The following ASIC2 variants were observed in gnomAD, a reference collection of about 807,000 sequenced individuals.
ASIC2 encodes the protein acid sensing ion channel subunit 2.
ASIC2 carries 25 observed loss-of-function variants against 57.3 expected under a neutral mutation model. That is an observed-to-expected ratio of 0.44 (90% CI 0.32 to 0.61). The LOEUF is 0.61. Ranked by LOEUF, ASIC2 falls within the 20% of genes least tolerant of loss-of-function variation. The pLI is 0.06. For missense variants in ASIC2, 641 were observed against 738.1 expected, an observed-to-expected ratio of 0.87 and a Z score of 1.52; for synonymous variants, 319 against 307.5, an observed-to-expected ratio of 1.04 and a Z score of -0.39.
intron 1 of ASIC2, among the ~76,000 whole-genome samples, chr17:33,328,764 T>G (rs1324068206): frequency 6.6e-6 from 1 of 152,208 alleles, no homozygotes; most frequent in Admixed American, 6.5e-5. Flanking sequence ...CATTTTATCT[T>G]TTCTTCAGCA....
intron 3 of ASIC2, among the ~76,000 whole-genome samples, chr17:33,035,327 C>T (rs1024815488): frequency 6.6e-6 from 1 of 151,956 alleles, no homozygotes; most frequent in Non-Finnish European, 1.5e-5. Flanking sequence ...GTTTATTTTT[C>T]TTTTCCTGTT....
At chr17:34,010,581 C>T (rs1906676814) in intron 1 of ASIC2, among the ~76,000 whole-genome samples, 1 of 152,114 alleles carries the variant, frequency 6.6e-6, no homozygotes, top group Admixed American at 6.5e-5. Flanking sequence ...CTGACACATG[C>T]CCTATGATGT....
At chr17:33,024,249 A>T (rs1477781079) in intron 5 of ASIC2, among the ~76,000 whole-genome samples, 2 of 152,042 alleles carry the variant, frequency 1.3e-5, no homozygotes, top group African/African-American at 4.8e-5. Context: ...TTGAAATGGG[A>T]CCACTTTTGC....
In ASIC2 at chr17:33,330,190, G is replaced by A. The variant is rs376131233; in HGVS notation, c.556-218123C>T. On this transcript the variant is annotated intron_variant, in intron 1 of 9. Transcript: ENST00000359872. ...GAAGTCAGTGCTGCTCATTCTGAGG[G>A]AAGGGCCTTTATCTTCTTGGGATTG... is the stretch of plus-strand genomic sequence containing the variant. Among the ~76,000 whole-genome samples, 9 of 152,292 alleles carry A rather than the reference G, an allele frequency of 5.9e-5. No individual in the cohort carries two copies. The South Asian group carries it at 1.7e-3, about 28-fold the overall frequency.
Position 33,950,400 on chromosome 17 carries a change from C to A in ASIC2, c.555+205578G>T, listed in dbSNP as rs1052057989. On this transcript the variant is annotated intron_variant, in intron 1 of 9. Coordinates refer to the ASIC2 transcript ENST00000359872. ...ATCAGATTCCGTAATAAATGCAGACCACGTTCCCTCAGCCAATATCGAGAC... is the reference window on the plus strand; with the variant it reads ...ATCAGATTCCGTAATAAATGCAGACAACGTTCCCTCAGCCAATATCGAGAC... Among the ~76,000 whole-genome samples, 3 of 152,216 alleles carry A rather than the reference C, an allele frequency of 2.0e-5. No individual in the cohort carries two copies. In the East Asian group the frequency reaches 5.8e-4, roughly 29 times the overall value.
intron 1 of ASIC2, among the ~76,000 whole-genome samples, chr17:34,024,416 T>G (rs2053612886): frequency 6.6e-6 from 1 of 152,224 alleles, no homozygotes; most frequent in African/African-American, 2.4e-5. Context: ...TTCTCTTTCT[T>G]CCTTTTAGGC....
chr17:33,702,910 T>A (rs1252432623), intron 1 of ASIC2, among the ~76,000 whole-genome samples: 1 of 152,166 alleles, frequency 6.6e-6, no homozygotes, highest in African/African-American at 2.4e-5. Flanking sequence ...CCTGCTTTCA[T>A]GAAGCAGAGA....
chr17:33,182,413 A>G (rs2142060034), intron 1 of ASIC2, among the ~76,000 whole-genome samples: 1 of 152,246 alleles, frequency 6.6e-6, no homozygotes, highest in South Asian at 2.1e-4. Context: ...GTCTACCAAA[A>G]TGCTATTTGT....
intron 1 of ASIC2, among the ~76,000 whole-genome samples, chr17:34,056,456 G>A (rs1908770073): frequency 6.6e-6 from 1 of 152,186 alleles, no homozygotes; most frequent in African/African-American, 2.4e-5. Context: ...TGCAAAGAAA[G>A]ATTCTGAGAC....
chr17:34,076,942 A>G (rs1909687566), intron 1 of ASIC2, among the ~76,000 whole-genome samples: 1 of 152,238 alleles, frequency 6.6e-6, no homozygotes, highest in Non-Finnish European at 1.5e-5. Context: ...ACACAAGATC[A>G]GCACCTGCCA....
chr17:33,405,569 T>A (rs537093583), intron 1 of ASIC2, among the ~76,000 whole-genome samples: 1 of 151,030 alleles, frequency 6.6e-6, no homozygotes, highest in Admixed American at 6.6e-5. Context: ...CTGCAACCTC[T>A]GCCTCCTGGG....
intron 1 of ASIC2, among the ~76,000 whole-genome samples, chr17:34,109,154 T>C (rs1192904221): frequency 2.6e-5 from 4 of 152,122 alleles, no homozygotes; most frequent in Non-Finnish European, 5.9e-5. Context: ...GAGCAACATG[T>C]AGTTAGTTGC....
intron 2 of ASIC2, among the ~76,000 whole-genome samples, chr17:33,111,440 A>T (rs9916435): frequency 5.3e-5 from 8 of 152,144 alleles, no homozygotes; most frequent in South Asian, 4.1e-4. Context: ...GGCACAGGCA[A>T]GGTGCCAGGT....
chr17:33,621,258 A>G (rs1228397880), intron 1 of ASIC2, among the ~76,000 whole-genome samples: 5 of 152,224 alleles, frequency 3.3e-5, no homozygotes, highest in Admixed American at 1.3e-4. Flanking sequence ...GTGCTGTAAG[A>G]GTCCAGACCT....
At chr17:34,124,408 C>T (rs1392439755) in intron 1 of ASIC2, among the ~76,000 whole-genome samples, 1 of 152,188 alleles carries the variant, frequency 6.6e-6, no homozygotes, top group East Asian at 1.9e-4. Context: ...CACTTTAGTA[C>T]TGCTAGGGAG....
intron 1 of ASIC2, among the ~76,000 whole-genome samples, chr17:33,186,462 T>G (rs1906199708): frequency 6.6e-6 from 1 of 152,198 alleles, no homozygotes; most frequent in African/African-American, 2.4e-5. Context: ...GCTAATGACT[T>G]ATTACTTGCT....
At chr17:33,968,176 T>A (rs1338985056) in intron 1 of ASIC2, among the ~76,000 whole-genome samples, 1 of 152,052 alleles carries the variant, frequency 6.6e-6, no homozygotes, top group African/African-American at 2.4e-5. Context: ...CGAGTGGCAT[T>A]TCCTGTCCTT....
At chr17:33,347,742 G>A (rs1364601236) in intron 1 of ASIC2, among the ~76,000 whole-genome samples, 1 of 152,160 alleles carries the variant, frequency 6.6e-6, no homozygotes, top group Non-Finnish European at 1.5e-5. Flanking sequence ...TTTCAAAGGT[G>A]ATGCAGTCAT....
intron 1 of ASIC2, among the ~76,000 whole-genome samples, chr17:33,305,394 G>C (rs1274679243): frequency 6.6e-6 from 1 of 152,128 alleles, no homozygotes; most frequent in African/African-American, 2.4e-5. Context: ...CTTTATGCAC[G>C]ATCATGATAA....
Sources: gnomAD v4.1 joint callset for allele counts (sites outside exome capture counted in the v4.1 genomes callset) on GRCh38, gnomAD v4.1.1 for gene constraint, MANE v1.5 for transcripts, NCBI Gene and HGNC (gene_info 2026-07-23, HGNC 2026-07-21) for gene names.